HSF2: variants seen among roughly 807,000 people sequenced by gnomAD.
HSF2 encodes heat shock factor protein 2.
HSF2 carries 21 observed loss-of-function variants against 65.0 expected under a neutral mutation model. The ratio of observed to expected loss-of-function variants is 0.32; its 90% confidence interval spans 0.23 to 0.47. HSF2 has a LOEUF of 0.47. HSF2 is among the 20% of genes least tolerant of loss of function. HSF2 has a pLI of 1.00. For missense variants in HSF2, 499 were observed against 628.1 expected, an observed-to-expected ratio of 0.79 and a Z score of 2.20; for synonymous variants, 225 against 219.1, an observed-to-expected ratio of 1.03 and a Z score of -0.24.
At chr6:122,403,332 G>T (rs909030675) in intron 1 of HSF2, among the ~76,000 whole-genome samples, 1 of 152,104 alleles carries the variant, frequency 6.6e-6, no homozygotes, top group African/African-American at 2.4e-5. Context: ...GTGGCTAGGC[G>T]TGGTGGCTCA....
intron 3 of HSF2, 120 bp downstream of exon 3, chr6:122,412,884 G>A: frequency 1.1e-6 from 1 of 901,766 alleles, no homozygotes; most frequent in South Asian, 2.9e-5. Flanking sequence ...GGATGAATTA[G>A]GATAATAAAG....
At chr6:122,407,166 A>G (rs1279413349) in intron 1 of HSF2, among the ~76,000 whole-genome samples, 2 of 152,258 alleles carry the variant, frequency 1.3e-5, no homozygotes, top group Non-Finnish European at 2.9e-5. Context: ...GTGAACCCAC[A>G]GAAGTTAATG....
In HSF2 at chr6:122,432,534, AATTTT is replaced by A. The variant is rs1286770002; in HGVS notation, c.*315_*319del. The A allele has an allele frequency of 4.1e-6, 1 of 242,436 alleles. No homozygotes were observed. Among genetic ancestry groups the A allele is most frequent in the Non-Finnish European group, 8.0e-6 (1 of 124,488 alleles). 15.0% of individuals were successfully genotyped at this position (242,436 alleles called of 1,614,324 possible). A position where few individuals can be genotyped will look rare whatever the true frequency, so the allele number is the denominator to read the frequency against. On this transcript the variant is annotated 3_prime_UTR_variant, in exon 13 of 13. Coordinates refer to ENST00000368455, the MANE Select transcript of HSF2 (RefSeq NM_004506.4). ...CAAATACGACCATTAACCTCAGTTAAATTTTTGTTTGTTTTCCTGTTTGATGCTGT... is the reference window on the plus strand; with the variant it reads ...CAAATACGACCATTAACCTCAGTTAATGTTTGTTTTCCTGTTTGATGCTGT...
intron 1 of HSF2, among the ~76,000 whole-genome samples, chr6:122,402,354 A>G (rs1160965994): frequency 1.3e-5 from 2 of 152,222 alleles, no homozygotes; most frequent in African/African-American, 2.4e-5. Flanking sequence ...GGATTTTTCT[A>G]AAAGCAGTGC....
At chr6:122,403,530 C>T (rs1374680020) in intron 1 of HSF2, among the ~76,000 whole-genome samples, 2 of 152,044 alleles carry the variant, frequency 1.3e-5, no homozygotes, top group Non-Finnish European at 2.9e-5. Context: ...TGGCTTGAGC[C>T]CATGAGGCAG....
intron 1 of HSF2, 59 bp from the exon 2 acceptor site, chr6:122,412,314 C>T: frequency 2.1e-6 from 2 of 963,606 alleles, no homozygotes; most frequent in Non-Finnish European, 3.4e-6. Flanking sequence ...ATAAATATAT[C>T]ACCATGTGTC....
intron 7 of HSF2, 125 bp downstream of exon 7, chr6:122,420,347 T>A: frequency 1.6e-6 from 1 of 628,864 alleles, no homozygotes; most frequent in Non-Finnish European, 2.5e-6. Flanking sequence ...ACAGCTTTGT[T>A]AAATTGTGAC....
chr6:122,419,275 C>T (rs1774184385), intron 6 of HSF2, 46 bp downstream of exon 6: 1 of 916,566 alleles, frequency 1.1e-6, no homozygotes, highest in Non-Finnish European at 1.7e-6. Context: ...TAGGCAGTCA[C>T]ACTTTTTAGT....
At chr6:122,401,535 G>A (rs1203402466) in intron 1 of HSF2, among the ~76,000 whole-genome samples, 1 of 152,178 alleles carries the variant, frequency 6.6e-6, no homozygotes, top group Non-Finnish European at 1.5e-5. Flanking sequence ...TATTTTCTGA[G>A]TACTGTCAAA....
chr6:122,414,512 G>A (rs966137584), intron 4 of HSF2, among the ~76,000 whole-genome samples: 1 of 152,162 alleles, frequency 6.6e-6, no homozygotes, highest in East Asian at 1.9e-4. Flanking sequence ...TGTATCTTGT[G>A]TATACTAGCT....
intron 1 of HSF2, among the ~76,000 whole-genome samples, chr6:122,404,736 T>C (rs1176656014): frequency 1.3e-5 from 2 of 152,194 alleles, no homozygotes; most frequent in African/African-American, 2.4e-5. Context: ...CTTAGGGAGA[T>C]TCTGTGTTGT....
intron 11 of HSF2, among the ~76,000 whole-genome samples, 169 bp from the exon 12 acceptor site, chr6:122,431,261 T>A (rs1774459005): frequency 6.6e-6 from 1 of 152,098 alleles, no homozygotes; most frequent in African/African-American, 2.4e-5. Flanking sequence ...CCTTAACCAG[T>A]CTTGTTATCT....
At chr6:122,427,422 T>G (rs1397163471) in intron 10 of HSF2, among the ~76,000 whole-genome samples, 1 of 152,052 alleles carries the variant, frequency 6.6e-6, no homozygotes, top group Admixed American at 6.6e-5. Context: ...CAAGTAGATA[T>G]GCCATCTGTC....
At position 122,419,169 on chromosome 6, in the gene HSF2, T is replaced by TTG; in HGVS notation, c.535_536dup (p.Gln180SerfsTer14). ...AATTTTTGTTTATATTTTTTTCAGA[T>TTG]TGTCCAGTTTATTGTTACATTGGTT... On this transcript the variant is annotated frameshift_variant and splice_region_variant, in exon 6 of 13. Transcript: ENST00000368455. LOFTEE classifies it high-confidence loss of function. 1 of 1,423,294 alleles carries TTG rather than the reference T, an allele frequency of 7.0e-7. No individual in the cohort carries two copies. Among genetic ancestry groups the TTG allele is most frequent in the Non-Finnish European group, 9.9e-7 (1 of 1,014,626 alleles). 88.2% of individuals were successfully genotyped at this position (1,423,294 alleles called of 1,614,324 possible).
In HSF2 at chr6:122,428,875, G is replaced by A. The variant is rs796487015; in HGVS notation, c.1230+919G>A. On this transcript the variant is annotated intron_variant, in intron 11 of 12. Transcript: ENST00000368455. The stretch of plus-strand genomic sequence containing the variant: ...GAGCTTAAAAAATTTGTGAATTTGT[G>A]AAATAGGAAGTTGATTATACATTCA... Among the ~76,000 whole-genome samples, 62 of 152,122 alleles carry A rather than the reference G, an allele frequency of 4.1e-4. 1 individual carries two copies. Among genetic ancestry groups the A allele is most frequent in the African/African-American group, 1.3e-3 (54 of 41,554 alleles).
rs780439628 is a variant in HSF2, at chr6:122,412,675, G to A, written c.241G>A (p.Val81Ile). 5 of 1,612,436 alleles carry A rather than the reference G, an allele frequency of 3.1e-6. No individual in the cohort carries two copies. The African/African-American group carries it at 5.3e-5, about 17-fold the overall frequency. The change falls in exon 3 of 13, where the codon GTA becomes ATA. Residue 81 changes from valine to isoleucine, a missense_variant. Around this residue, in one of 2 missense-constraint regions of HSF2, gnomAD observed 150 missense variants for 234.6 expected, o/e 0.64. Transcript: ENST00000368455. ...AGTAGTACATATCGACTCTGGAATT[G>A]TAAAGCAAGAAAGAGATGGTCCTGT... ...RKVVHIDSGIVKQERDGPVEF... is the reference protein window; with the variant it reads ...RKVVHIDSGIIKQERDGPVEF...
chr6:122,399,918 G>T, intron 1 of HSF2, 88 bp downstream of exon 1: 1 of 1,021,198 alleles, frequency 9.8e-7, no homozygotes. Flanking sequence ...GCGGCCTTGC[G>T]GCTCGACGCT....
At chr6:122,425,621 G>T (rs73539087) in intron 10 of HSF2, among the ~76,000 whole-genome samples, 1 of 151,950 alleles carries the variant, frequency 6.6e-6, no homozygotes, top group Non-Finnish European at 1.5e-5. Context: ...TAGAGGTGCT[G>T]TACTTTTTTG....
chr6:122,412,003 C>A (rs1484544823), intron 1 of HSF2, among the ~76,000 whole-genome samples: 2 of 148,502 alleles, frequency 1.3e-5, no homozygotes, highest in African/African-American at 4.9e-5. Context: ...CTCTCAAAAT[C>A]TTTTTTTTTT....
Sources: gnomAD v4.1 joint callset for allele counts (sites outside exome capture counted in the v4.1 genomes callset) on GRCh38, gnomAD v4.1.1 for gene constraint, gnomAD v4.1.1 regional missense constraint, MANE v1.5 for transcripts, NCBI Gene and HGNC (gene_info 2026-07-23, HGNC 2026-07-21) for gene names.